The following SPAG16 variants were observed in gnomAD, a reference collection of about 807,000 sequenced individuals.
The protein encoded by SPAG16 is sperm-associated antigen 16 protein.
Under a neutral mutation model 80.4 loss-of-function variants are expected in SPAG16, and 86 were observed. The observed-to-expected ratio is 1.07, with a 90% CI of 0.90 to 1.28. The LOEUF (loss-of-function observed/expected upper bound fraction) is 1.28, where lower values mean the gene tolerates loss of function less well. SPAG16 is among the 50% of genes most tolerant of loss of function. SPAG16 has a pLI of 0.00. For synonymous variants in SPAG16, 294 were observed against 265.9 expected (o/e 1.11, Z -1.03); for missense variants, 870 against 765.3 (o/e 1.14, Z -1.61).
At chr2:213,328,255 A>G (rs2063927244) in intron 5 of SPAG16, among the ~76,000 whole-genome samples, 1 of 152,178 alleles carries the variant, frequency 6.6e-6, no homozygotes, top group Non-Finnish European at 1.5e-5. Context: ...TAGCCCGCTC[A>G]GGATATTCTG....
chr2:214,140,531 T>C (rs1236822130), intron 14 of SPAG16, among the ~76,000 whole-genome samples: 1 of 152,078 alleles, frequency 6.6e-6, no homozygotes, highest in East Asian at 1.9e-4. Context: ...ATCATTCTGA[T>C]GGACTTGTAT....
At chr2:214,037,307 T>C (rs2048747827) in intron 13 of SPAG16, among the ~76,000 whole-genome samples, 1 of 152,058 alleles carries the variant, frequency 6.6e-6, no homozygotes, top group Admixed American at 6.6e-5. Flanking sequence ...CCAACTTGTT[T>C]AATAAAAGTT....
intron 10 of SPAG16, among the ~76,000 whole-genome samples, chr2:213,679,648 A>G (rs1158948564): frequency 6.6e-6 from 1 of 152,200 alleles, no homozygotes; most frequent in Non-Finnish European, 1.5e-5. Flanking sequence ...GTCTGTGATG[A>G]AAATATTTGT....
intron 9 of SPAG16, among the ~76,000 whole-genome samples, chr2:213,474,284 G>A (rs891482090): frequency 1.3e-5 from 2 of 152,168 alleles, no homozygotes; most frequent in Non-Finnish European, 2.9e-5. Context: ...CCACTCACAT[G>A]ATAAGAGCTT....
intron 9 of SPAG16, among the ~76,000 whole-genome samples, chr2:213,455,769 A>G (rs1559150156): frequency 1.3e-5 from 2 of 152,112 alleles, no homozygotes; most frequent in African/African-American, 2.4e-5. Flanking sequence ...TCAAGTGGTA[A>G]TGCTCCCCTG....
At chr2:213,647,528 A>G (rs924892855) in intron 10 of SPAG16, among the ~76,000 whole-genome samples, 3 of 150,812 alleles carry the variant, frequency 2.0e-5, no homozygotes, top group Non-Finnish European at 4.4e-5. Context: ...CCTCTGCTCC[A>G]TTCGGTCTTT....
chr2:213,784,869 A>G (rs1200609617), intron 10 of SPAG16, among the ~76,000 whole-genome samples: 1 of 151,940 alleles, frequency 6.6e-6, no homozygotes, highest in African/African-American at 2.4e-5. Flanking sequence ...GCTATTTATG[A>G]TATCCACATG....
intron 13 of SPAG16, among the ~76,000 whole-genome samples, chr2:214,053,712 T>A (rs1166374455): frequency 6.6e-6 from 1 of 152,132 alleles, no homozygotes; most frequent in African/African-American, 2.4e-5. Context: ...ATCACAACAG[T>A]ACAAGTGATG....
intron 10 of SPAG16, among the ~76,000 whole-genome samples, chr2:213,676,716 C>A (rs2064098436): frequency 1.3e-5 from 2 of 151,258 alleles, no homozygotes. Context: ...ACCAGCCTTG[C>A]ATCCCAGGGA....
chr2:214,111,943 A>G (rs921161133), intron 14 of SPAG16, among the ~76,000 whole-genome samples: 4 of 152,146 alleles, frequency 2.6e-5, no homozygotes, highest in African/African-American at 9.6e-5. Flanking sequence ...ATTGGTGTAT[A>G]GGAATGTTTG....
chr2:214,293,976 G>T (rs1693969718), intron 15 of SPAG16, among the ~76,000 whole-genome samples: 1 of 152,240 alleles, frequency 6.6e-6, no homozygotes, highest in East Asian at 1.9e-4. Context: ...CAGTGGATTT[G>T]TTCTTTGGGT....
At position 213,914,704 on chromosome 2, in the gene SPAG16, A is replaced by G. The variant is rs184198287; in HGVS notation, c.1215-15256A>G. Among the ~76,000 whole-genome samples the G allele has an allele frequency of 7.2e-5, 11 of 152,264 alleles. No homozygotes were observed. In the East Asian group the frequency reaches 1.9e-3, roughly 27 times the overall value. ...ACTGTTTTAAAATTTGCACAAATAT[A>G]CTTTATCAGCATATTTGTATACTGA... is the stretch of plus-strand genomic sequence containing the variant. On this transcript the variant is annotated intron_variant, in intron 11 of 15. Coordinates refer to ENST00000331683, the MANE Select transcript of SPAG16 (RefSeq NM_024532.5).
chr2:213,874,421 C>CT (rs2076064879), intron 11 of SPAG16, among the ~76,000 whole-genome samples: 2 of 151,972 alleles, frequency 1.3e-5, no homozygotes, highest in Non-Finnish European at 2.9e-5. Context: ...TATTTTCAAA[C>CT]TTTTTGTTAA....
At chr2:213,669,129 T>A (rs543759154) in intron 10 of SPAG16, among the ~76,000 whole-genome samples, 1 of 152,316 alleles carries the variant, frequency 6.6e-6, no homozygotes, top group African/African-American at 2.4e-5. Flanking sequence ...TTTGTTTGGA[T>A]AGGGATTTGT....
chr2:213,604,596 C>T (rs2061188075), intron 10 of SPAG16, among the ~76,000 whole-genome samples: 1 of 152,102 alleles, frequency 6.6e-6, no homozygotes, highest in Non-Finnish European at 1.5e-5. Flanking sequence ...CTTATGGGCA[C>T]TGTCTTATTA....
intron 15 of SPAG16, among the ~76,000 whole-genome samples, chr2:214,350,681 A>G (rs957542255): frequency 6.6e-6 from 1 of 152,114 alleles, no homozygotes; most frequent in Non-Finnish European, 1.5e-5. Flanking sequence ...GAAGGCTCAG[A>G]TTCATCATAA....
chr2:214,149,094 T>TATATATAC (rs1553515470), intron 14 of SPAG16, 46 bp from the exon 15 acceptor site: 3 of 706,178 alleles, frequency 4.2e-6, no homozygotes, highest in African/African-American at 3.9e-5. Context: ...TATATATATA[T>TATATATAC]ATACATACAT....
At chr2:214,399,789 CTATGAATTATGTTTTGT>C (rs1162917656) in intron 15 of SPAG16, among the ~76,000 whole-genome samples, 3 of 152,044 alleles carry the variant, frequency 2.0e-5, no homozygotes, top group Non-Finnish European at 4.4e-5. Flanking sequence ...CTATGATTTG[CTATGAATTATGTTTTGT>C]GATGGCTTAT....
intron 10 of SPAG16, among the ~76,000 whole-genome samples, chr2:213,641,641 C>A: frequency 6.6e-6 from 1 of 152,200 alleles, no homozygotes; most frequent in Non-Finnish European, 1.5e-5. Flanking sequence ...ATTGCTCATT[C>A]TACTTTTGTA....
Sources: gnomAD v4.1 joint callset for allele counts (sites outside exome capture counted in the v4.1 genomes callset) on GRCh38, gnomAD v4.1.1 for gene constraint, MANE v1.5 for transcripts, NCBI Gene and HGNC (gene_info 2026-07-23, HGNC 2026-07-21) for gene names.